CNMD: variants seen among roughly 807,000 people sequenced by gnomAD.
The protein encoded by CNMD is leukocyte cell-derived chemotaxin 1.
Under a neutral mutation model 37.5 loss-of-function variants are expected in CNMD, and 30 were observed. The observed-to-expected ratio is 0.80, with a 90% CI of 0.60 to 1.09. The LOEUF is 1.09. Among genes scored for constraint, CNMD ranks in the 50% least tolerant of loss-of-function variants. The pLI is 0.00. For missense variants in CNMD, 398 were observed against 423.9 expected, an observed-to-expected ratio of 0.94 and a Z score of 0.54; for synonymous variants, 167 against 148.2, an observed-to-expected ratio of 1.13 and a Z score of -0.92.
intron 4 of CNMD, among the ~76,000 whole-genome samples, chr13:52,721,447 C>A (rs1362036099): frequency 6.6e-6 from 1 of 152,238 alleles, no homozygotes; most frequent in Non-Finnish European, 1.5e-5. Context: ...ATCTCCTGGC[C>A]TGCAGGTTGC....
At chr13:52,724,336 G>A (rs371115614) in intron 3 of CNMD, among the ~76,000 whole-genome samples, 126 of 150,592 alleles carry the variant, frequency 8.4e-4, no homozygotes, top group Admixed American at 1.9e-3. Flanking sequence ...CACTTTGGGA[G>A]GCCAAGGCAG....
At chr13:52,727,039 G>C (rs1055512616) in intron 3 of CNMD, among the ~76,000 whole-genome samples, 5 of 151,904 alleles carry the variant, frequency 3.3e-5, no homozygotes, top group Non-Finnish European at 2.9e-5. Context: ...GCCAAGGTGA[G>C]TGGATCGCCT....
chr13:52,710,785 A>G (rs1426256900), intron 5 of CNMD, among the ~76,000 whole-genome samples: 2 of 152,164 alleles, frequency 1.3e-5, no homozygotes, highest in Admixed American at 6.5e-5. Context: ...TAATATGTGT[A>G]ATTCTTGTAT....
intron 4 of CNMD, among the ~76,000 whole-genome samples, chr13:52,715,915 A>G (rs186415659): frequency 6.6e-6 from 1 of 152,332 alleles, no homozygotes; most frequent in East Asian, 1.9e-4. Flanking sequence ...TAGATCCTTG[A>G]GGAATCACCA....
intron 3 of CNMD, among the ~76,000 whole-genome samples, chr13:52,729,917 G>A (rs1458191516): frequency 1.3e-5 from 2 of 151,768 alleles, no homozygotes; most frequent in Admixed American, 6.6e-5. Context: ...CCATGTTGGT[G>A]AGCTGCACCC....
At chr13:52,733,033 T>C in intron 3 of CNMD, 186 bp downstream of exon 3, 1 of 618,496 alleles carries the variant, frequency 1.6e-6, no homozygotes, top group Non-Finnish European at 2.8e-6. Context: ...CTTTTGCAAA[T>C]ATGAAGGACA....
chr13:52,710,046 G>A (rs1288966190), intron 5 of CNMD, among the ~76,000 whole-genome samples: 1 of 152,076 alleles, frequency 6.6e-6, no homozygotes, highest in Admixed American at 6.6e-5. Context: ...TGTAAAATGG[G>A]GATAATAGTA....
intron 4 of CNMD, among the ~76,000 whole-genome samples, chr13:52,715,141 T>C (rs1964350191): frequency 6.6e-6 from 1 of 152,204 alleles, no homozygotes. Flanking sequence ...TTTCAAACAA[T>C]CCAGTTATAC....
intron 2 of CNMD, among the ~76,000 whole-genome samples, chr13:52,735,764 A>G (rs1308554947): frequency 6.6e-6 from 1 of 151,240 alleles, no homozygotes; most frequent in Non-Finnish European, 1.5e-5. Flanking sequence ...CCTGGGCCGC[A>G]TGCAGGACCA....
Position 52,739,437 on chromosome 13 carries a change from C to T in CNMD, c.72+193G>A. 1.5e-6 allele frequency: 1 copy of T among 672,066 alleles called. No homozygotes were observed. The highest frequency in any genetic ancestry group is 2.6e-6 in the Non-Finnish European group (1 of 391,868). The allele number at this position is 672,066 out of a possible 1,614,324, so 41.6% of individuals were successfully genotyped here. On this transcript the variant is annotated intron_variant, in intron 1 of 6. Transcript: ENST00000377962. The surrounding 1 kb of genome is among the most constrained non-coding windows in gnomAD (Gnocchi z 5.4). The stretch of plus-strand genomic sequence containing the variant: ...CTCTACCGGCCACGGGACGTCCCTC[C>T]GCACCCGCCTGTGGATGCCGTGACC...
chr13:52,729,098 C>G (rs1370256112), intron 3 of CNMD, among the ~76,000 whole-genome samples: 2 of 152,106 alleles, frequency 1.3e-5, no homozygotes, highest in Non-Finnish European at 2.9e-5. Flanking sequence ...GTAATCTTAC[C>G]TTGGCTGCAC....
At chr13:52,712,679 A>G in intron 5 of CNMD, 37 bp downstream of exon 5, 2 of 1,392,894 alleles carry the variant, frequency 1.4e-6, no homozygotes, top group Non-Finnish European at 1.9e-6. Flanking sequence ...ATGAACAGGG[A>G]AAGTTGTAAA....
At chr13:52,736,137 G>GCA (rs1964758219) in intron 2 of CNMD, among the ~76,000 whole-genome samples, 1 of 152,090 alleles carries the variant, frequency 6.6e-6, no homozygotes, top group Non-Finnish European at 1.5e-5. Context: ...GGGACTGCAG[G>GCA]TGCCCGCCAC....
At chr13:52,738,248 A>C (rs916486802) in intron 2 of CNMD, among the ~76,000 whole-genome samples, 1 of 152,234 alleles carries the variant, frequency 6.6e-6, no homozygotes, top group African/African-American at 2.4e-5. Context: ...GCCCCCTTTT[A>C]CATAGGTGAA....
intron 2 of CNMD, among the ~76,000 whole-genome samples, chr13:52,735,437 A>G (rs532349323): frequency 2.0e-5 from 3 of 152,090 alleles, no homozygotes; most frequent in Admixed American, 6.6e-5. Context: ...GAACATAACC[A>G]TTTCTAAATT....
At chr13:52,706,747 GTGTC>G (rs1019222215) in intron 6 of CNMD, among the ~76,000 whole-genome samples, 18 of 148,090 alleles carry the variant, frequency 1.2e-4, no homozygotes, top group African/African-American at 4.7e-4. Context: ...GTATGTGTGT[GTGTC>G]TGTGGGTGTG....
At chr13:52,733,588 A>G (rs552969282) in intron 2 of CNMD, 28 of 600,532 alleles carry the variant, frequency 4.7e-5, no homozygotes, top group African/African-American at 1.5e-4. Context: ...TCTGACACCT[A>G]TTCCAATAGC....
At position 52,733,798 on chromosome 13, in the gene CNMD, C is replaced by T. The variant is rs563912538; in HGVS notation, c.214-439G>A. Among the ~76,000 whole-genome samples the T allele has an allele frequency of 1.3e-4, 20 of 152,286 alleles. No individual in the cohort carries two copies. In the South Asian group the frequency reaches 3.7e-3, roughly 28 times the overall value. ...GATGGATAAATGGAAATTGAGGAGG[C>T]AGAAGGTTAATTGGGCTCCCAGCTG... On this transcript the variant is annotated intron_variant, in intron 2 of 6. Coordinates refer to ENST00000377962, the MANE Select transcript of CNMD (RefSeq NM_007015.3).
chr13:52,731,362 C>G (rs1269019445), intron 3 of CNMD, among the ~76,000 whole-genome samples: 1 of 152,182 alleles, frequency 6.6e-6, no homozygotes, highest in Non-Finnish European at 1.5e-5. Flanking sequence ...TCAATAAATG[C>G]TTCTTGAATT....
Sources: gnomAD v4.1 joint callset for allele counts (sites outside exome capture counted in the v4.1 genomes callset) on GRCh38, gnomAD v4.1.1 for gene constraint, Gnocchi (gnomAD v3.1) non-coding constraint, MANE v1.5 for transcripts, NCBI Gene and HGNC (gene_info 2026-07-23, HGNC 2026-07-21) for gene names.